Variants in DRC8 observed in about 807,000 individuals in gnomAD.
DRC8 encodes the protein dynein regulatory complex protein 8.
At chr1:245,077,708 T>C in the DRC8 span, among the ~76,000 whole-genome samples, 1 of 152,140 alleles carries the variant, frequency 6.6e-6, no homozygotes, top group Non-Finnish European at 1.5e-5. Flanking sequence ...TCTCACACCA[T>C]ACACAGAAAT....
At chr1:245,001,437 A>G in the DRC8 span, among the ~76,000 whole-genome samples, 95,371 of 152,046 alleles carry the variant, frequency 0.63, 30,017 homozygotes, top group East Asian at 0.75. Context: ...TCCTGGCCAT[A>G]CCCCAGACCT....
At chr1:244,995,797 A>C in the DRC8 span, among the ~76,000 whole-genome samples, 1 of 152,228 alleles carries the variant, frequency 6.6e-6, no homozygotes, top group Non-Finnish European at 1.5e-5. Flanking sequence ...CTGCTATTGC[A>C]TAAAAAGGAT....
chr1:245,002,873 G>T, the DRC8 span, among the ~76,000 whole-genome samples: 3 of 151,514 alleles, frequency 2.0e-5, no homozygotes, highest in Non-Finnish European at 4.4e-5. Context: ...TCAAATTGTT[G>T]TGTAGCCGCC....
chr1:245,029,954 T>G, the DRC8 span, among the ~76,000 whole-genome samples: 1 of 152,112 alleles, frequency 6.6e-6, no homozygotes, highest in East Asian at 1.9e-4. Flanking sequence ...ATTTCAAAAG[T>G]GGGGAGCCAG....
At chr1:245,059,024 C>T in the DRC8 span, among the ~76,000 whole-genome samples, 405 of 152,350 alleles carry the variant, frequency 2.7e-3, 1 homozygote, top group African/African-American at 9.2e-3. Context: ...ATGTCAACTT[C>T]ACCACAAAAC....
the DRC8 span, among the ~76,000 whole-genome samples, chr1:244,986,761 A>G: frequency 6.6e-6 from 1 of 151,824 alleles, no homozygotes; most frequent in Non-Finnish European, 1.5e-5. Context: ...AAAAAAAAAA[A>G]AGATCACTTG....
At chr1:245,090,443 C>T in the DRC8 span, among the ~76,000 whole-genome samples, 11 of 150,308 alleles carry the variant, frequency 7.3e-5, no homozygotes, top group African/African-American at 2.0e-4. Flanking sequence ...GAGTGGCTGA[C>T]GTTTGTTGAC....
chr1:245,092,625 A>G, the DRC8 span, among the ~76,000 whole-genome samples: 8 of 152,236 alleles, frequency 5.3e-5, no homozygotes. Context: ...GACCCCTGAA[A>G]CAGAATCTCT....
chr1:245,034,619 A>AG, the DRC8 span, among the ~76,000 whole-genome samples: 3 of 149,848 alleles, frequency 2.0e-5, no homozygotes, highest in African/African-American at 7.3e-5. Context: ...AAAAAAAAAA[A>AG]AAAAAAAAGA....
chr1:245,114,642 T>G, the DRC8 span, among the ~76,000 whole-genome samples: 1 of 152,136 alleles, frequency 6.6e-6, no homozygotes, highest in Non-Finnish European at 1.5e-5. Context: ...AGCCTGCCTG[T>G]TCGTTTGGTG....
chr1:245,047,067 G>C, the DRC8 span, among the ~76,000 whole-genome samples: 1 of 152,166 alleles, frequency 6.6e-6, no homozygotes, highest in African/African-American at 2.4e-5. Context: ...GGAGCCACTC[G>C]CAGTGCTGCT....
the DRC8 span, among the ~76,000 whole-genome samples, chr1:245,085,416 A>C: frequency 3.5e-4 from 54 of 152,362 alleles, no homozygotes; most frequent in African/African-American, 1.3e-3. Context: ...GAATGAGTAG[A>C]TGATGAAGAC....
the DRC8 span, among the ~76,000 whole-genome samples, chr1:244,988,264 G>A: frequency 3.3e-5 from 5 of 152,114 alleles, no homozygotes; most frequent in East Asian, 3.9e-4. Context: ...CGATCCTCCC[G>A]CCTTAGCCTC....
the DRC8 span, among the ~76,000 whole-genome samples, chr1:245,054,563 C>T: frequency 6.6e-6 from 1 of 152,166 alleles, no homozygotes; most frequent in Non-Finnish European, 1.5e-5. Context: ...CTCCACGCCC[C>T]GGCCCTCTCC....
At chr1:245,121,938 G>A in the DRC8 span, 2,771 of 413,916 alleles carry the variant, frequency 6.7e-3, 16 homozygotes, top group Non-Finnish European at 9.6e-3. Flanking sequence ...TCGCTCCGTC[G>A]CCCAGGCTGA....
At chr1:245,086,447 A>G in the DRC8 span, among the ~76,000 whole-genome samples, 13,682 of 152,244 alleles carry the variant, frequency 0.09, 738 homozygotes, top group African/African-American at 0.15. Flanking sequence ...TTGCACATTC[A>G]TCCTAATATC....
the DRC8 span, chr1:245,124,235 G>A: frequency 6.5e-6 from 1 of 154,986 alleles, no homozygotes. Context: ...AGGAAAAATA[G>A]CCTGTTGGCC....
At chr1:244,979,986 C>T in the DRC8 span, among the ~76,000 whole-genome samples, 8 of 135,420 alleles carry the variant, frequency 5.9e-5, no homozygotes, top group Admixed American at 1.7e-4. Context: ...AGGTGGATCA[C>T]GAGGTCAGGA....
the DRC8 span, among the ~76,000 whole-genome samples, chr1:245,097,930 C>T: frequency 6.6e-6 from 1 of 152,052 alleles, no homozygotes; most frequent in Non-Finnish European, 1.5e-5. The surrounding 1 kb of genome is among the most constrained non-coding windows in gnomAD (Gnocchi z 5.0). Context: ...TGGGCAGGGC[C>T]CCGAGCATGA....
Sources: allele counts gnomAD v4.1 joint callset (sites outside exome capture counted in the v4.1 genomes callset), GRCh38; gene constraint gnomAD v4.1.1; non-coding constraint Gnocchi (gnomAD v3.1); transcripts MANE v1.5; gene names NCBI Gene and HGNC (gene_info 2026-07-23, HGNC 2026-07-21).